Variants in KCNH5 observed in about 807,000 individuals in gnomAD.
KCNH5 encodes the protein potassium voltage-gated channel subfamily H member 5.
A neutral mutation model predicts 96.1 loss-of-function variants in KCNH5; 46 were observed. That is an observed-to-expected ratio of 0.48 (90% confidence interval 0.38 to 0.61). KCNH5 has a LOEUF of 0.61. KCNH5 is among the 20% of genes least tolerant of loss of function. The pLI, the probability that KCNH5 is intolerant of heterozygous loss-of-function variation, is 0.00. For missense variants in KCNH5, 907 were observed against 1,225.8 expected (o/e 0.74, Z 3.88); for synonymous variants, 439 against 449.8 (o/e 0.98, Z 0.30).
intron 7 of KCNH5, among the ~76,000 whole-genome samples, chr14:62,907,325 T>TTAC (rs1335421885): frequency 6.6e-6 from 1 of 152,184 alleles, no homozygotes; most frequent in Non-Finnish European, 1.5e-5. Context: ...GGAAGCAAGA[T>TTAC]AGATCTAGCC....
chr14:63,031,227 GT>G (rs1315378733), intron 1 of KCNH5, among the ~76,000 whole-genome samples: 2 of 151,962 alleles, frequency 1.3e-5, no homozygotes, highest in Non-Finnish European at 2.9e-5. Context: ...CTAAGTTTTT[GT>G]TTTATTTTGT....
Position 62,708,023 on chromosome 14 carries a change from T to A in KCNH5, c.2452A>T (p.Met818Leu). Residue 818 changes from methionine (M) to leucine (L), a missense_variant, in exon 11 of 11, where the codon ATG (methionine) becomes TTG (leucine). By Grantham distance (15) the Met-to-Leu change is conservative. This residue lies in a region of KCNH5 where 362 missense variants were observed against 394.4 expected (regional missense o/e 0.92). Coordinates refer to ENST00000322893, the MANE Select transcript of KCNH5 (RefSeq NM_139318.5). ...GKGWLRLKNN[M>L]GAHEEKKEDW... ...TCCTTTTTCTCCTCATGGGCTCCCA[T>A]ATTATTCTTGAGTCGCAGCCACCCT... 2 of 1,614,210 alleles carry A rather than the reference T, an allele frequency of 1.2e-6. No individual in the cohort carries two copies. Among genetic ancestry groups the A allele is most frequent in the Non-Finnish European group, 1.7e-6 (2 of 1,180,036 alleles).
At chr14:62,816,740 T>C (rs1238679453) in intron 8 of KCNH5, among the ~76,000 whole-genome samples, 3 of 151,940 alleles carry the variant, frequency 2.0e-5, no homozygotes, top group Non-Finnish European at 4.4e-5. Flanking sequence ...AATTGACATA[T>C]AGTAGATATA....
At chr14:62,855,001 T>A (rs1349038896) in intron 7 of KCNH5, among the ~76,000 whole-genome samples, 1 of 151,536 alleles carries the variant, frequency 6.6e-6, no homozygotes, top group Non-Finnish European at 1.5e-5. Context: ...ATTGTGACCA[T>A]GATTTTGTGC....
intron 9 of KCNH5, among the ~76,000 whole-genome samples, chr14:62,801,499 A>ATT (rs35409070): frequency 0.016 from 1,726 of 108,846 alleles, 9 homozygotes; most frequent in Non-Finnish European, 0.022. Context: ...TCATTTGGCA[A>ATT]TTTTTTTTTT....
chr14:62,965,420 C>T (rs1890287601), intron 6 of KCNH5, among the ~76,000 whole-genome samples: 1 of 152,100 alleles, frequency 6.6e-6, no homozygotes, highest in African/African-American at 2.4e-5. Context: ...AGCCAGGACA[C>T]TGTTTGGGTT....
At chr14:62,790,349 T>C (rs369334580) in intron 9 of KCNH5, among the ~76,000 whole-genome samples, 1 of 151,902 alleles carries the variant, frequency 6.6e-6, no homozygotes, top group African/African-American at 2.4e-5. Context: ...CCTCCAACTT[T>C]GTTCTTTCTC....
chr14:62,756,426 C>T (rs1885625970), intron 10 of KCNH5, among the ~76,000 whole-genome samples: 1 of 151,958 alleles, frequency 6.6e-6, no homozygotes, highest in East Asian at 1.9e-4. Flanking sequence ...CAATAACATT[C>T]TTCAAAGAAA....
intron 9 of KCNH5, among the ~76,000 whole-genome samples, chr14:62,792,434 T>A (rs781707687): frequency 6.6e-6 from 1 of 151,578 alleles, no homozygotes; most frequent in Non-Finnish European, 1.5e-5. Flanking sequence ...GAAGAAATGA[T>A]AATAAACATG....
At position 62,707,923 on chromosome 14, in the gene KCNH5, T is replaced by C; in HGVS notation, c.2552A>G (p.Asn851Ser). ...SEDPKSSDSE[N>S]SVTKNPLRKT... is the part of the protein sequence containing the mutation. ...TCTTAGTGGGTTTTTGGTCACACTG[T>C]TCTCTGAATCACTGCTCTTGGGGTC... The change falls in exon 11 of 11, where the codon AAC becomes AGC. Residue 851 changes from asparagine (N) to serine (S), a missense_variant. By Grantham distance (46) the Asn-to-Ser change is conservative. This residue lies in a region of KCNH5 where 362 missense variants were observed against 394.4 expected (regional missense o/e 0.92). Transcript: ENST00000322893. 6.2e-7 allele frequency: 1 copy of C among 1,614,212 alleles called. No individual in the cohort carries two copies. The highest frequency in any genetic ancestry group is 8.5e-7 in the Non-Finnish European group (1 of 1,180,044).
chr14:62,878,213 C>T (rs1312104198), intron 7 of KCNH5, among the ~76,000 whole-genome samples: 1 of 115,286 alleles, frequency 8.7e-6, no homozygotes, highest in Non-Finnish European at 1.8e-5. Context: ...GGGGGGGGGG[C>T]GGAGGGATAG....
intron 8 of KCNH5, among the ~76,000 whole-genome samples, chr14:62,844,931 GT>G (rs1358091004): frequency 6.6e-6 from 1 of 152,058 alleles, no homozygotes; most frequent in Admixed American, 6.5e-5. Context: ...TGGGGCGAAG[GT>G]TTTTTCTCTA....
At chr14:62,899,185 C>G (rs187692193) in intron 7 of KCNH5, among the ~76,000 whole-genome samples, 1 of 152,046 alleles carries the variant, frequency 6.6e-6, no homozygotes, top group Non-Finnish European at 1.5e-5. Context: ...GGTCATAAAG[C>G]AAGTCTTGAA....
chr14:62,757,593 A>T (rs1490668268), intron 10 of KCNH5, among the ~76,000 whole-genome samples: 3 of 152,048 alleles, frequency 2.0e-5, no homozygotes, highest in African/African-American at 7.2e-5. Context: ...ATATACACAC[A>T]ATGTAGTACT....
intron 9 of KCNH5, among the ~76,000 whole-genome samples, chr14:62,790,935 T>C (rs1886421330): frequency 6.6e-6 from 1 of 151,892 alleles, no homozygotes; most frequent in Middle Eastern, 3.2e-3. Context: ...ATAATTTTAC[T>C]TTTTTCTTTC....
intron 3 of KCNH5, among the ~76,000 whole-genome samples, chr14:63,003,263 C>A (rs1891044388): frequency 6.7e-6 from 1 of 150,340 alleles, no homozygotes; most frequent in Admixed American, 6.8e-5. Context: ...TGAGTATCTG[C>A]CAAGTATGTG....
intron 6 of KCNH5, among the ~76,000 whole-genome samples, chr14:62,968,922 A>G (rs1324658850): frequency 6.6e-6 from 1 of 152,230 alleles, no homozygotes; most frequent in Non-Finnish European, 1.5e-5. Flanking sequence ...GGTCACCAAC[A>G]CACCTTCTCT....
chr14:62,746,839 A>G (rs111560534), intron 10 of KCNH5, among the ~76,000 whole-genome samples: 5,200 of 152,302 alleles, frequency 0.034, 141 homozygotes, highest in South Asian at 0.06. Flanking sequence ...TGTTCAAGCA[A>G]TATTTCTCTT....
rs1350937209 is a variant in KCNH5, at chr14:62,759,342, G to A, written c.2019+20386C>T. Among the ~76,000 whole-genome samples, 4 of 152,040 alleles carry A rather than the reference G, an allele frequency of 2.6e-5. No homozygotes were observed. In the East Asian group the frequency reaches 5.8e-4, roughly 22 times the overall value. ...CTAAATTAGGCATATTTTTTCTGAA[G>A]AGCCTTTAAGAAAATGAGAGAATGC... On this transcript the variant is annotated intron_variant, in intron 10 of 10. Coordinates refer to ENST00000322893, the MANE Select transcript of KCNH5 (RefSeq NM_139318.5).
Sources: gnomAD v4.1 joint callset for allele counts (sites outside exome capture counted in the v4.1 genomes callset) on GRCh38, gnomAD v4.1.1 for gene constraint, gnomAD v4.1.1 regional missense constraint, MANE v1.5 for transcripts, NCBI Gene and HGNC (gene_info 2026-07-23, HGNC 2026-07-21) for gene names.